Variants in TNKS observed in about 807,000 individuals in gnomAD.
TNKS encodes the protein poly [ADP-ribose] polymerase tankyrase-1.
A neutral mutation model predicts 135.8 loss-of-function variants in TNKS; 72 were observed. That is an observed-to-expected ratio of 0.53 (90% CI 0.44 to 0.64). TNKS has a LOEUF of 0.64. Among genes scored for constraint, TNKS ranks in the 30% least tolerant of loss-of-function variants. The pLI, the probability that TNKS is intolerant of heterozygous loss-of-function variation, is 0.00. For missense variants in TNKS, 1,769 were observed against 1,674.0 expected, an observed-to-expected ratio of 1.06 and a Z score of -0.99; for synonymous variants, 849 against 649.3, an observed-to-expected ratio of 1.31 and a Z score of -4.68.
chr8:9,774,912 G>A (rs1808135221), intron 26 of TNKS, among the ~76,000 whole-genome samples: 2 of 152,116 alleles, frequency 1.3e-5, no homozygotes, highest in South Asian at 2.1e-4. Flanking sequence ...AGGAAGTAGG[G>A]GTGGGCATCC....
intron 3 of TNKS, among the ~76,000 whole-genome samples, chr8:9,632,332 T>C (rs1485037091): frequency 6.6e-6 from 1 of 152,236 alleles, no homozygotes; most frequent in East Asian, 1.9e-4. Flanking sequence ...AGGAAAGTTT[T>C]AAAAAATACT....
intron 3 of TNKS, among the ~76,000 whole-genome samples, chr8:9,657,403 G>A (rs1219970507): frequency 2.8e-4 from 24 of 84,844 alleles, no homozygotes; most frequent in East Asian, 4.2e-4. Flanking sequence ...CCTCCCAGAC[G>A]GGGCGGCTGG....
chr8:9,580,405 C>T (rs911566612), intron 2 of TNKS, 22 bp downstream of exon 2: 1 of 1,595,202 alleles, frequency 6.3e-7, no homozygotes, highest in Non-Finnish European at 8.6e-7. Context: ...TTGATGATAT[C>T]TAAATTTTAA....
intron 3 of TNKS, among the ~76,000 whole-genome samples, chr8:9,646,500 G>C (rs1372794234): frequency 6.6e-6 from 1 of 151,958 alleles, no homozygotes; most frequent in Non-Finnish European, 1.5e-5. Context: ...TTTTTATACA[G>C]AGAAGTTTCT....
At chr8:9,569,787 T>C (rs1426419715) in intron 1 of TNKS, among the ~76,000 whole-genome samples, 1 of 152,238 alleles carries the variant, frequency 6.6e-6, no homozygotes, top group Non-Finnish European at 1.5e-5. Context: ...CTTCGTATTC[T>C]TTTTTTCTTT....
intron 1 of TNKS, among the ~76,000 whole-genome samples, chr8:9,570,053 A>G (rs1335219636): frequency 6.6e-6 from 1 of 152,158 alleles, no homozygotes; most frequent in South Asian, 2.1e-4. Flanking sequence ...ACCTTAATCT[A>G]TTTTAAATTT....
Position 9,780,489 on chromosome 8 carries a change from T to G in TNKS, c.*3753T>G, listed in dbSNP as rs1221476818. The G allele has an allele frequency of 6.6e-6, 1 of 152,130 alleles. No homozygotes were observed. Among genetic ancestry groups the G allele is most frequent in the African/African-American group, 2.4e-5 (1 of 41,422 alleles). The allele number at this position is 152,130 out of a possible 1,614,324, so 9.4% of individuals were successfully genotyped here. ...TTTAATGTCAGATCAGTGACAGAAG[T>G]GAAAAGAAAGTAATTGTGAAAGTGA... On this transcript the variant is annotated 3_prime_UTR_variant, in exon 27 of 27. Coordinates refer to ENST00000310430, the MANE Select transcript of TNKS (RefSeq NM_003747.3).
chr8:9,773,743 T>C (rs574709502), intron 26 of TNKS, among the ~76,000 whole-genome samples: 1 of 151,988 alleles, frequency 6.6e-6, no homozygotes, highest in African/African-American at 2.4e-5. Flanking sequence ...AATGCCTAAA[T>C]AAAAAAATGC....
chr8:9,706,603 A>C (rs1804059498), intron 7 of TNKS, among the ~76,000 whole-genome samples: 1 of 152,236 alleles, frequency 6.6e-6, no homozygotes. Context: ...AAGAGAATAA[A>C]ATACGTTTTT....
Position 9,761,568 on chromosome 8 carries a change from G to C in TNKS, c.3206G>C (p.Gly1069Ala). The C allele has an allele frequency of 6.2e-7, 1 of 1,611,302 alleles. No homozygotes were observed. Among genetic ancestry groups the C allele is most frequent in the Non-Finnish European group, 8.5e-7 (1 of 1,179,338 alleles). ...GGTCATGAAGAGTTGAAAGAAATAG[G>C]CATCAATGCATATGGGCACCGCCAC... ...DMGHEELKEI[G>A]INAYGHRHKL... The change falls in exon 21 of 27, where the codon GGC becomes GCC. Residue 1069 changes from glycine to alanine, a missense_variant. By Grantham distance (60) the Gly-to-Ala change is moderately conservative. Around this residue, in one of 5 missense-constraint regions of TNKS, gnomAD observed 722 missense variants for 688.9 expected, o/e 1.05. Coordinates refer to ENST00000310430, the MANE Select transcript of TNKS (RefSeq NM_003747.3).
At position 9,766,287 on chromosome 8, in the gene TNKS, A is replaced by C; in HGVS notation, c.3602A>C (p.His1201Pro). 1 of 1,613,848 alleles carries C rather than the reference A, an allele frequency of 6.2e-7. No individual in the cohort carries two copies. Among genetic ancestry groups the C allele is most frequent in the Non-Finnish European group, 8.5e-7 (1 of 1,179,880 alleles). ...ATTCATAAAGGGTTTGATGAGCGAC[A>C]TGCATACATAGGAGGAATGTTTGGG... Reference protein sequence around the residue: ...AIIHKGFDERHAYIGGMFGAG... With the variant: ...AIIHKGFDERPAYIGGMFGAG... Residue 1201 changes from histidine to proline, a missense_variant, in exon 25 of 27, where the codon CAT becomes CCT. This residue lies in a region of TNKS where 722 missense variants were observed against 688.9 expected (regional missense o/e 1.05). Coordinates refer to ENST00000310430, the MANE Select transcript of TNKS (RefSeq NM_003747.3).
At chr8:9,704,394 T>C (rs1803954101) in intron 5 of TNKS, among the ~76,000 whole-genome samples, 1 of 152,046 alleles carries the variant, frequency 6.6e-6, no homozygotes, top group Non-Finnish European at 1.5e-5. Flanking sequence ...TGGAAAGAAA[T>C]AGGAAATCAT....
chr8:9,766,705 C>G (rs1248154690), intron 25 of TNKS, among the ~76,000 whole-genome samples: 1 of 152,032 alleles, frequency 6.6e-6, no homozygotes, highest in Non-Finnish European at 1.5e-5. Context: ...AAGCTGGTCT[C>G]GAACTCCTGA....
intron 6 of TNKS, among the ~76,000 whole-genome samples, chr8:9,705,192 C>A (rs1803989520): frequency 6.6e-6 from 1 of 152,044 alleles, no homozygotes; most frequent in Admixed American, 6.6e-5. Flanking sequence ...GACATCTAAA[C>A]TGAGAAAACC....
intron 1 of TNKS, chr8:9,575,327 C>T (rs1173665798): frequency 5.0e-5 from 44 of 881,642 alleles, no homozygotes; most frequent in Non-Finnish European, 5.6e-5. Context: ...CCTCGTGATC[C>T]GCCTGCTTCG....
intron 1 of TNKS, among the ~76,000 whole-genome samples, chr8:9,563,759 A>G (rs13274310): frequency 0.12 from 18,604 of 152,106 alleles, 1,395 homozygotes; most frequent in Admixed American, 0.23. Context: ...ATAATTGATT[A>G]TAATTTTGTC....
At chr8:9,752,522 C>G (rs368099994) in intron 19 of TNKS, 22 bp from the exon 20 acceptor site, 6 of 1,580,694 alleles carry the variant, frequency 3.8e-6, no homozygotes, top group Non-Finnish European at 5.2e-6. Flanking sequence ...TTCTGAGAAT[C>G]TTTAATATGT....
chr8:9,644,984 G>A (rs1800866411), intron 3 of TNKS, among the ~76,000 whole-genome samples: 1 of 152,144 alleles, frequency 6.6e-6, no homozygotes, highest in South Asian at 2.1e-4. Context: ...AGGTAGACTA[G>A]GCTAAGCTAT....
chr8:9,746,880 A>G (rs541363411), intron 17 of TNKS, among the ~76,000 whole-genome samples: 1 of 60,298 alleles, frequency 1.7e-5, no homozygotes, highest in East Asian at 4.1e-4. Context: ...ACCTACTTAA[A>G]CTTTTTTTTT....
Sources: allele counts gnomAD v4.1 joint callset (sites outside exome capture counted in the v4.1 genomes callset), GRCh38; gene constraint gnomAD v4.1.1; regional missense constraint gnomAD v4.1.1; transcripts MANE v1.5; gene names NCBI Gene and HGNC (gene_info 2026-07-23, HGNC 2026-07-21).